TAFA2: variants seen among roughly 807,000 people sequenced by gnomAD.
TAFA2 encodes TAFA chemokine like family member 2.
In TAFA2, 7 loss-of-function variants were observed where a neutral mutation model predicts 18.8. That is an observed-to-expected ratio of 0.37 (90% CI 0.21 to 0.70). TAFA2 has a LOEUF of 0.70. TAFA2 is among the 30% of genes least tolerant of loss of function. The probability of loss-of-function intolerance (pLI) is 0.53; values close to 1 mark genes in which losing one functional copy is unlikely to be tolerated. For missense variants in TAFA2, 122 were observed against 158.1 expected (o/e 0.77, Z 1.23); for synonymous variants, 60 against 54.2 (o/e 1.11, Z -0.47).
intron 1 of TAFA2, among the ~76,000 whole-genome samples, chr12:61,952,282 A>T (rs1421092814): frequency 6.6e-6 from 1 of 152,076 alleles, no homozygotes; most frequent in Non-Finnish European, 1.5e-5. Context: ...TTCTTTAATT[A>T]TTTTTCTCTA....
chr12:61,998,512 A>G (rs1232904638), intron 1 of TAFA2, among the ~76,000 whole-genome samples: 1 of 152,172 alleles, frequency 6.6e-6, no homozygotes, highest in Non-Finnish European at 1.5e-5. Flanking sequence ...CAACATTTCT[A>G]ACTGATATGC....
intron 1 of TAFA2, among the ~76,000 whole-genome samples, chr12:62,098,896 A>C (rs1002500881): frequency 2.0e-5 from 3 of 152,168 alleles, no homozygotes; most frequent in Non-Finnish European, 4.4e-5. Context: ...CTAGCAGCAG[A>C]AATTAAAGCC....
intron 1 of TAFA2, among the ~76,000 whole-genome samples, chr12:62,097,934 G>GA (rs1869019501): frequency 6.6e-6 from 1 of 152,138 alleles, no homozygotes; most frequent in African/African-American, 2.4e-5. Flanking sequence ...TTAAGCTTGT[G>GA]AAGCTGAACC....
chr12:61,863,835 C>A (rs1005681948), intron 2 of TAFA2, among the ~76,000 whole-genome samples: 3 of 152,160 alleles, frequency 2.0e-5, no homozygotes, highest in Admixed American at 1.3e-4. Context: ...CCAGAGAGGC[C>A]ACTCCTTGCC....
At chr12:62,108,214 A>C (rs957322103) in intron 1 of TAFA2, among the ~76,000 whole-genome samples, 1 of 149,870 alleles carries the variant, frequency 6.7e-6, no homozygotes, top group Admixed American at 6.7e-5. Context: ...TTCAACTCCC[A>C]CTTATGAGTG....
chr12:61,829,424 C>G lies in TAFA2; in HGVS notation c.106+37896G>C, dbSNP rs1440751492. Among the ~76,000 whole-genome samples, 14 of 151,752 alleles carry G rather than the reference C, an allele frequency of 9.2e-5. No homozygotes were observed. The East Asian group carries it at 2.7e-3, about 29-fold the overall frequency. ...AATAAAAACAGCAAATCACTTGCAT[C>G]AATTGTTAATACATGAATAGGTAAC... On this transcript the variant is annotated intron_variant, in intron 2 of 4. Transcript: ENST00000416284.
intron 1 of TAFA2, among the ~76,000 whole-genome samples, chr12:61,873,841 T>A (rs889931069): frequency 1.3e-5 from 2 of 152,116 alleles, no homozygotes; most frequent in Non-Finnish European, 2.9e-5. Context: ...GTCTTTGAGG[T>A]GGATGGTGCC....
At chr12:62,036,667 T>C (rs1881620001) in intron 1 of TAFA2, among the ~76,000 whole-genome samples, 1 of 152,342 alleles carries the variant, frequency 6.6e-6, no homozygotes, top group South Asian at 2.1e-4. Flanking sequence ...AAATTGTAAA[T>C]GGAAATTATT....
intron 1 of TAFA2, among the ~76,000 whole-genome samples, chr12:62,113,280 C>T (rs962537529): frequency 6.6e-6 from 1 of 152,184 alleles, no homozygotes; most frequent in African/African-American, 2.4e-5. Flanking sequence ...AAAGTCCACT[C>T]CAGACCCCGT....
chr12:61,954,327 C>A (rs1051914398), intron 1 of TAFA2, among the ~76,000 whole-genome samples: 2 of 152,130 alleles, frequency 1.3e-5, no homozygotes, highest in African/African-American at 4.8e-5. Context: ...ATAATAAAAG[C>A]ACGGTGTTTT....
At chr12:62,103,380 T>C (rs575616995) in intron 1 of TAFA2, among the ~76,000 whole-genome samples, 2 of 152,310 alleles carry the variant, frequency 1.3e-5, no homozygotes, top group African/African-American at 2.4e-5. Context: ...TCTGTTATTA[T>C]CCAGTCCAAT....
At chr12:62,236,673 G>C (rs1277027240) in intron 1 of TAFA2, among the ~76,000 whole-genome samples, 1 of 152,096 alleles carries the variant, frequency 6.6e-6, no homozygotes, top group Admixed American at 6.5e-5. Flanking sequence ...TCAGCTTTTG[G>C]TTGTCTGGGA....
At chr12:62,203,189 G>A (rs1023688381) in intron 1 of TAFA2, among the ~76,000 whole-genome samples, 1 of 152,216 alleles carries the variant, frequency 6.6e-6, no homozygotes, top group Non-Finnish European at 1.5e-5. Context: ...TGATTGTGCT[G>A]TGGTCTGAGA....
At chr12:61,821,220 T>G (rs972794030) in intron 2 of TAFA2, among the ~76,000 whole-genome samples, 1 of 151,820 alleles carries the variant, frequency 6.6e-6, no homozygotes, top group African/African-American at 2.4e-5. Context: ...TTGCTGTACA[T>G]AACTTACTTC....
At chr12:62,145,261 G>A (rs191426459) in intron 1 of TAFA2, among the ~76,000 whole-genome samples, 16 of 152,308 alleles carry the variant, frequency 1.1e-4, no homozygotes, top group East Asian at 7.7e-4. Flanking sequence ...ACAGGTGAGC[G>A]GTAGTCCAGA....
chr12:61,789,894 T>A (rs1592390003), intron 2 of TAFA2, among the ~76,000 whole-genome samples: 1 of 151,574 alleles, frequency 6.6e-6, no homozygotes, highest in East Asian at 1.9e-4. Flanking sequence ...ATATCAAAAC[T>A]ATACAAGGAT....
At chr12:61,836,738 TATA>T (rs1161322603) in intron 2 of TAFA2, among the ~76,000 whole-genome samples, 4 of 141,070 alleles carry the variant, frequency 2.8e-5, no homozygotes, top group African/African-American at 7.7e-5. Context: ...ATTTGATATA[TATA>T]TATATATATA....
chr12:61,776,746 T>C (rs1870279003), intron 2 of TAFA2, among the ~76,000 whole-genome samples: 2 of 151,942 alleles, frequency 1.3e-5, no homozygotes, highest in Admixed American at 1.3e-4. Flanking sequence ...AACATAAAGA[T>C]ATTTATATAT....
intron 2 of TAFA2, among the ~76,000 whole-genome samples, chr12:61,817,695 C>T (rs1872142137): frequency 6.6e-6 from 1 of 152,078 alleles, no homozygotes. Context: ...ATTAGTGCTG[C>T]ACAGAGCAGC....
Sources: gnomAD v4.1 joint callset for allele counts (sites outside exome capture counted in the v4.1 genomes callset) on GRCh38, gnomAD v4.1.1 for gene constraint, MANE v1.5 for transcripts, NCBI Gene and HGNC (gene_info 2026-07-23, HGNC 2026-07-21) for gene names.